The following UNC45B variants were observed in gnomAD, a reference collection of about 807,000 sequenced individuals.
The protein encoded by UNC45B is protein unc-45 homolog B.
UNC45B carries 78 observed loss-of-function variants against 98.7 expected under a neutral mutation model. The observed-to-expected ratio is 0.79, with a 90% confidence interval of 0.66 to 0.95. UNC45B has a LOEUF of 0.95. Among genes scored for constraint, UNC45B ranks in the 40% least tolerant of loss-of-function variants. The probability of loss-of-function intolerance (pLI) is 0.00; values close to 1 mark genes in which losing one functional copy is unlikely to be tolerated. For missense variants in UNC45B, 1,225 were observed against 1,184.9 expected, an observed-to-expected ratio of 1.03 and a Z score of -0.50; for synonymous variants, 462 against 480.4, an observed-to-expected ratio of 0.96 and a Z score of 0.50.
chr17:35,168,040 C>G, intron 9 of UNC45B, 21 bp from the exon 10 acceptor site: 1 of 1,429,748 alleles, frequency 7.0e-7, no homozygotes, highest in Non-Finnish European at 9.2e-7. Context: ...TTCTCTTGAC[C>G]ACCCTTGTCC....
intron 4 of UNC45B, among the ~76,000 whole-genome samples, chr17:35,151,714 A>G (rs889180501): frequency 5.3e-5 from 8 of 152,226 alleles, no homozygotes; most frequent in African/African-American, 1.9e-4. Context: ...CATGCTGTCC[A>G]GGGTGCAGAC....
In UNC45B at chr17:35,148,975, G is replaced by C. The variant is rs1434627311; in HGVS notation, c.171G>C (p.Glu57Asp). The C allele has an allele frequency of 4.3e-6, 7 of 1,614,072 alleles. No homozygotes were observed. Among genetic ancestry groups the C allele is most frequent in the Non-Finnish European group, 5.9e-6 (7 of 1,180,010 alleles). ...RNRAACGLKT[E>D]SYVQAASDAS... ...CCTTCTCCTTCCCCTTTCCTCAGGA[G>C]AGCTACGTCCAGGCAGCTTCAGATG... Residue 57 changes from glutamate to aspartate, a missense_variant and splice_region_variant, in exon 3 of 20, where the codon GAG becomes GAC. Physicochemically the swap from Glu to Asp is conservative, Grantham distance 45. Transcript: ENST00000394570.
In UNC45B at chr17:35,183,495, T is replaced by C. The variant is rs1293135503; in HGVS notation, c.2442T>C (p.Asp814=). ...TGGTGGTGCTGCTCTGCGGGGAGGA[T>C]GATGATAAGGTGCAGAATGCGGCTG... ...LKLVVLLCGE[D]DDKVQNAAAG... The change falls in exon 19 of 20, where the codon GAT becomes GAC. Residue 814 remains aspartate (D), a synonymous_variant. Transcript: ENST00000394570. 1 of 1,605,684 alleles carries C rather than the reference T, an allele frequency of 6.2e-7. No homozygotes were observed. Among genetic ancestry groups the C allele is most frequent in the Admixed American group, 1.7e-5 (1 of 59,090 alleles).
chr17:35,170,076 T>A (rs1030725813), intron 11 of UNC45B, 38 bp from the exon 12 acceptor site: 1 of 1,601,848 alleles, frequency 6.2e-7, no homozygotes, highest in Non-Finnish European at 8.5e-7. Context: ...GACCTAGCCC[T>A]GGGCCCCTTC....
At chr17:35,154,523 C>T (rs1165254048) in intron 5 of UNC45B, 51 bp from the exon 6 acceptor site, 7 of 1,584,446 alleles carry the variant, frequency 4.4e-6, no homozygotes, top group African/African-American at 2.7e-5. Flanking sequence ...ATGGTCCAGG[C>T]CTGGGTGGCC....
At chr17:35,175,944 T>C in intron 14 of UNC45B, 24 bp from the exon 15 acceptor site, 2 of 1,612,068 alleles carry the variant, frequency 1.2e-6, no homozygotes, top group Non-Finnish European at 8.5e-7. Flanking sequence ...TATTAACTGT[T>C]CTCCTTTCTT....
Position 35,155,444 on chromosome 17 carries a change from A to G in UNC45B, c.788A>G (p.Lys263Arg). The change falls in exon 7 of 20, where the codon AAG becomes AGG. Residue 263 changes from lysine (K) to arginine (R), a missense_variant. Transcript: ENST00000394570. The part of the protein sequence containing the change: ...SGEDKREHRG[K>R]EEALVLDTKK... ...GAGGACAAGCGGGAGCATCGAGGGA[A>G]GGAGGAGGCCCTGGTTCTAGGTAGG... 1.2e-6 allele frequency: 2 copies of G among 1,614,192 alleles called. No individual in the cohort carries two copies. The highest frequency in any genetic ancestry group is 1.7e-6 in the Non-Finnish European group (2 of 1,180,014).
chr17:35,159,468 A>G lies in UNC45B; in HGVS notation c.902A>G (p.Asn301Ser). 6.2e-7 allele frequency: 1 copy of G among 1,614,144 alleles called. No homozygotes were observed. Among genetic ancestry groups the G allele is most frequent in the Non-Finnish European group, 8.5e-7 (1 of 1,180,016 alleles). ...VSGQGRDQALNLLNKNVPRKD... is the reference protein window; with the variant it reads ...VSGQGRDQALSLLNKNVPRKD... Reference sequence around the variant, plus strand: ...GGCCAGGGCAGGGATCAGGCGCTGAACCTGCTCAATAAGAATGTTCCCAGG... The same window carrying G: ...GGCCAGGGCAGGGATCAGGCGCTGAGCCTGCTCAATAAGAATGTTCCCAGG... Residue 301 changes from asparagine to serine, a missense_variant, in exon 8 of 20, where the codon AAC becomes AGC. Coordinates refer to ENST00000394570, the MANE Select transcript of UNC45B (RefSeq NM_001267052.2).
chr17:35,149,872 A>T (rs1457187018), intron 3 of UNC45B, among the ~76,000 whole-genome samples, 176 bp from the exon 4 acceptor site: 1 of 152,184 alleles, frequency 6.6e-6, no homozygotes, highest in Non-Finnish European at 1.5e-5. Context: ...AACTCTGTGG[A>T]TCTTACTGTC....
At position 35,169,907 on chromosome 17, in the gene UNC45B, A is replaced by G; in HGVS notation, c.1523A>G (p.Glu508Gly). ...AGGCAGTTTGCGGAAGGGTCGACAG[A>G]AAAACTGGCCAAACAGTGTCGCAAG... ...GLRQFAEGST[E>G]KLAKQCRKWL... The change falls in exon 11 of 20, where the codon GAA becomes GGA. Residue 508 changes from glutamate to glycine, a missense_variant. By Grantham distance (98) the Glu-to-Gly change is moderately conservative (BLOSUM62 -2). Coordinates refer to ENST00000394570, the MANE Select transcript of UNC45B (RefSeq NM_001267052.2). 6.2e-7 allele frequency: 1 copy of G among 1,614,164 alleles called. No homozygotes were observed. The highest frequency in any genetic ancestry group is 8.5e-7 in the Non-Finnish European group (1 of 1,180,032).
Position 35,152,915 on chromosome 17 carries a change from A to C in UNC45B, c.404A>C (p.Asp135Ala). 6.2e-7 allele frequency: 1 copy of C among 1,613,954 alleles called. No individual in the cohort carries two copies. Among genetic ancestry groups the C allele is most frequent in the Non-Finnish European group, 8.5e-7 (1 of 1,179,964 alleles). Residue 135 changes from aspartate (D) to alanine (A), a missense_variant, in exon 5 of 20, where the codon GAC becomes GCC. By Grantham distance (126) the Asp-to-Ala change is moderately radical. Coordinates refer to ENST00000394570, the MANE Select transcript of UNC45B (RefSeq NM_001267052.2). ...CAGCTCCGAGTGCAGTTCTCCACAG[A>C]CTCGAGGGTACAGAAGATGTTTGAG... The part of the protein sequence containing the change: ...QEKLRVQFST[D>A]SRVQKMFEIL...
Position 35,177,100 on chromosome 17 carries a change from C to T in UNC45B, c.2109C>T (p.Ser703=). 6.2e-7 allele frequency: 1 copy of T among 1,614,186 alleles called. No individual in the cohort carries two copies. The highest frequency in any genetic ancestry group is 1.1e-5 in the South Asian group (1 of 91,088). ...CTCTAGCAAAGATCGCTGCTGTCTCCAATCCGGACATTGCTTTTCCTGGGG... is the reference window on the plus strand; with the variant it reads ...CTCTAGCAAAGATCGCTGCTGTCTCTAATCCGGACATTGCTTTTCCTGGGG... ...AHALAKIAAV[S]NPDIAFPGER... Residue 703 remains serine, a synonymous_variant, in exon 16 of 20, where the codon TCC becomes TCT. Transcript: ENST00000394570.
Position 35,164,103 on chromosome 17 carries a change from A to G in UNC45B, c.1088A>G (p.Tyr363Cys), listed in dbSNP as rs145196717. The G allele has an allele frequency of 9.9e-6, 16 of 1,614,098 alleles. No homozygotes were observed. Among genetic ancestry groups the G allele is most frequent in the Non-Finnish European group, 1.3e-5 (15 of 1,179,988 alleles). ...GCCTCTATCCTCATCAACAAGCTCT[A>G]TGATGACCTGCGCTGTGACCCGGAG... ...MLASILINKL[Y>C]DDLRCDPERD... The change falls in exon 9 of 20, where the codon TAT becomes TGT. Residue 363 changes from tyrosine to cysteine, a missense_variant. By Grantham distance (194) the Tyr-to-Cys change is radical (BLOSUM62 -2). Coordinates refer to ENST00000394570, the MANE Select transcript of UNC45B (RefSeq NM_001267052.2).
In UNC45B at chr17:35,186,571, C is replaced by T; in HGVS notation, c.*12C>T. ...AACCAGTGTCTTAGACAGCGACCCTCAGGGATGCTGGGAGTGGTCCTGTAC... is the reference window on the plus strand; with the variant it reads ...AACCAGTGTCTTAGACAGCGACCCTTAGGGATGCTGGGAGTGGTCCTGTAC... On this transcript the variant is annotated 3_prime_UTR_variant, in exon 20 of 20. Coordinates refer to ENST00000394570, the MANE Select transcript of UNC45B (RefSeq NM_001267052.2). 1 of 1,613,716 alleles carries T rather than the reference C, an allele frequency of 6.2e-7. No homozygotes were observed.
chr17:35,164,260 A>G (rs1005948206), intron 9 of UNC45B, 94 bp downstream of exon 9: 16 of 1,421,054 alleles, frequency 1.1e-5, no homozygotes, highest in Non-Finnish European at 1.5e-5. Flanking sequence ...CTCAAACAAT[A>G]GTGTTTTATT....
intron 15 of UNC45B, among the ~76,000 whole-genome samples, chr17:35,176,426 A>G (rs542316699): frequency 6.6e-6 from 1 of 152,306 alleles, no homozygotes; most frequent in African/African-American, 2.4e-5. Flanking sequence ...TGTCACAAGA[A>G]TTAGAGAAAA....
At chr17:35,179,751 G>T (rs976790151) in intron 17 of UNC45B, among the ~76,000 whole-genome samples, 2 of 152,218 alleles carry the variant, frequency 1.3e-5, no homozygotes, top group African/African-American at 2.4e-5. Context: ...GGGCCTGTTG[G>T]GGGTGGGGAG....
intron 7 of UNC45B, among the ~76,000 whole-genome samples, chr17:35,156,288 C>T (rs1469939670): frequency 6.6e-6 from 1 of 152,124 alleles, no homozygotes; most frequent in Non-Finnish European, 1.5e-5. Context: ...GATGTTTGCA[C>T]AATGATGTGA....
At chr17:35,163,895 G>A (rs2092119691) in intron 8 of UNC45B, 100 bp from the exon 9 acceptor site, 1 of 1,319,212 alleles carries the variant, frequency 7.6e-7, no homozygotes, top group Admixed American at 2.4e-5. Context: ...TCTACAGACA[G>A]GGCTGGAGAG....
Sources: allele counts gnomAD v4.1 joint callset (sites outside exome capture counted in the v4.1 genomes callset), GRCh38; gene constraint gnomAD v4.1.1; transcripts MANE v1.5; gene names NCBI Gene and HGNC (gene_info 2026-07-23, HGNC 2026-07-21).